The following VPS13B variants were observed in gnomAD, a reference collection of about 807,000 sequenced individuals.
VPS13B encodes the protein intermembrane lipid transfer protein VPS13B.
Under a neutral mutation model 426.4 loss-of-function variants are expected in VPS13B, and 285 were observed. The observed-to-expected ratio is 0.67, with a 90% CI of 0.61 to 0.74. The LOEUF (loss-of-function observed/expected upper bound fraction) is 0.74, where lower values mean the gene tolerates loss of function less well. Ranked by LOEUF, VPS13B falls within the 30% of genes least tolerant of loss-of-function variation. VPS13B has a pLI of 0.00. For missense variants in VPS13B, 4,537 were observed against 4,782.6 expected (o/e 0.95, Z 1.51); for synonymous variants, 1,676 against 1,676.4 (o/e 1.00, Z 0.01).
intron 3 of VPS13B, among the ~76,000 whole-genome samples, chr8:99,074,036 G>A (rs949681613): frequency 1.3e-5 from 2 of 152,098 alleles, no homozygotes; most frequent in Non-Finnish European, 1.5e-5. Flanking sequence ...CCAAAGTACT[G>A]GGATTACAGG....
intron 33 of VPS13B, among the ~76,000 whole-genome samples, chr8:99,607,392 T>C (rs879925494): frequency 6.6e-6 from 1 of 152,200 alleles, no homozygotes; most frequent in African/African-American, 2.4e-5. Flanking sequence ...AAAACTTTAG[T>C]CTCTTAACTC....
chr8:99,800,504 A>G (rs1485324195), intron 43 of VPS13B, among the ~76,000 whole-genome samples: 1 of 152,192 alleles, frequency 6.6e-6, no homozygotes, highest in Non-Finnish European at 1.5e-5. Flanking sequence ...AAAGTTATGC[A>G]TAAAATTTAA....
intron 3 of VPS13B, among the ~76,000 whole-genome samples, chr8:99,094,727 C>G (rs1165366630): frequency 6.6e-6 from 1 of 152,152 alleles, no homozygotes; most frequent in Non-Finnish European, 1.5e-5. Flanking sequence ...CTCTAGTACC[C>G]TGTTAGTTTG....
chr8:99,862,335 T>A (rs547773066), intron 58 of VPS13B, among the ~76,000 whole-genome samples: 1 of 152,354 alleles, frequency 6.6e-6, no homozygotes, highest in East Asian at 1.9e-4. Context: ...GAGCCGCTTC[T>A]TTTGTTTGAG....
intron 21 of VPS13B, among the ~76,000 whole-genome samples, chr8:99,409,073 TCCAAGCAGTGAATCAG>T (rs1815483443): frequency 6.6e-6 from 1 of 152,180 alleles, no homozygotes; most frequent in South Asian, 2.1e-4. Flanking sequence ...ATAGCTCTTC[TCCAAGCAGTGAATCAG>T]CCACCTTCCA....
At chr8:99,513,705 T>C (rs1488085794) in intron 29 of VPS13B, among the ~76,000 whole-genome samples, 3 of 152,222 alleles carry the variant, frequency 2.0e-5, no homozygotes, top group Admixed American at 1.3e-4. Flanking sequence ...TCAATTTCAG[T>C]AACAAATTTA....
At chr8:99,751,535 G>A (rs572065141) in intron 39 of VPS13B, among the ~76,000 whole-genome samples, 6 of 152,214 alleles carry the variant, frequency 3.9e-5, no homozygotes, top group African/African-American at 1.4e-4. Context: ...ATGAAGTCAC[G>A]AATCATGTCT....
intron 55 of VPS13B, among the ~76,000 whole-genome samples, chr8:99,849,856 A>G (rs1816168593): frequency 6.6e-6 from 1 of 152,204 alleles, no homozygotes; most frequent in African/African-American, 2.4e-5. Flanking sequence ...AATCTAAAAT[A>G]AAACAAGTAG....
At chr8:99,251,775 T>C in intron 17 of VPS13B, among the ~76,000 whole-genome samples, 1 of 152,076 alleles carries the variant, frequency 6.6e-6, no homozygotes, top group Non-Finnish European at 1.5e-5. Flanking sequence ...TTGGTAGATT[T>C]CTCCATTTGG....
chr8:99,503,987 G>T (rs1821368453), intron 27 of VPS13B, among the ~76,000 whole-genome samples: 1 of 152,164 alleles, frequency 6.6e-6, no homozygotes, highest in Non-Finnish European at 1.5e-5. Context: ...ATACAGTTTG[G>T]ATATATGTCC....
intron 17 of VPS13B, among the ~76,000 whole-genome samples, chr8:99,195,035 C>T (rs536648144): frequency 7.9e-5 from 12 of 152,114 alleles, no homozygotes; most frequent in Non-Finnish European, 1.3e-4. Context: ...TTAGTAGAGA[C>T]GGAGTTTCAC....
chr8:99,683,219 C>G (rs777059367), intron 35 of VPS13B, among the ~76,000 whole-genome samples: 26 of 152,284 alleles, frequency 1.7e-4, no homozygotes, highest in African/African-American at 3.1e-4. Flanking sequence ...TACATATACC[C>G]TCTCCAAAAC....
At chr8:99,327,703 A>G (rs1490660500) in intron 19 of VPS13B, among the ~76,000 whole-genome samples, 1 of 152,144 alleles carries the variant, frequency 6.6e-6, no homozygotes, top group Non-Finnish European at 1.5e-5. Context: ...ACAGATGACT[A>G]ACTTACCCTC....
chr8:99,776,698 T>G, intron 40 of VPS13B, 77 bp from the exon 41 acceptor site: 1 of 1,378,010 alleles, frequency 7.3e-7, no homozygotes, highest in East Asian at 2.3e-5. Flanking sequence ...TTAGAAACCC[T>G]TATAAAAAGA....
In VPS13B at chr8:99,809,587, A is replaced by T. The variant is rs917361032; in HGVS notation, c.8097+57A>T. The T allele has an allele frequency of 3.4e-5, 54 of 1,601,272 alleles. No homozygotes were observed. The Admixed American group carries it at 5.5e-4, about 16-fold the overall frequency. On this transcript the variant is annotated intron_variant, in intron 44 of 61. Coordinates refer to ENST00000357162, the MANE Select transcript of VPS13B (RefSeq NM_152564.5). ...CTCTTAATTATTCAGTGTAATGGAG[A>T]TGAAAATAATTAATAATTTTTTTAA...
At chr8:99,190,832 TC>T (rs1813525548) in intron 16 of VPS13B, among the ~76,000 whole-genome samples, 3 of 152,086 alleles carry the variant, frequency 2.0e-5, no homozygotes, top group Non-Finnish European at 4.4e-5. Context: ...TCTTTCTTCT[TC>T]TTTTTTTTTT....
At chr8:99,596,767 C>G (rs1827037652) in intron 33 of VPS13B, among the ~76,000 whole-genome samples, 1 of 151,980 alleles carries the variant, frequency 6.6e-6, no homozygotes, top group South Asian at 2.1e-4. Context: ...TTTATTCTGC[C>G]TGTATAATTG....
intron 17 of VPS13B, among the ~76,000 whole-genome samples, chr8:99,230,472 G>A (rs1816262552): frequency 6.6e-6 from 1 of 152,156 alleles, no homozygotes; most frequent in Admixed American, 6.5e-5. Flanking sequence ...ATATTGACTT[G>A]CCTAATTGAA....
chr8:99,737,342 A>G (rs74553750), intron 39 of VPS13B, among the ~76,000 whole-genome samples: 9,847 of 151,348 alleles, frequency 0.065, 455 homozygotes, highest in African/African-American at 0.13. Context: ...GGATGGTCTC[A>G]ATCTCCTGAC....
Sources: gnomAD v4.1 joint callset for allele counts (sites outside exome capture counted in the v4.1 genomes callset) on GRCh38, gnomAD v4.1.1 for gene constraint, MANE v1.5 for transcripts, NCBI Gene and HGNC (gene_info 2026-07-23, HGNC 2026-07-21) for gene names.